The following CFAP299 variants were observed in gnomAD, a reference collection of about 807,000 sequenced individuals.
CFAP299 encodes the protein cilia and flagella associated protein 299, also known as cilia- and flagella-associated protein 299.
A neutral mutation model predicts 27.0 loss-of-function variants in CFAP299; 21 were observed. The observed-to-expected ratio is 0.78, with a 90% CI of 0.55 to 1.12. CFAP299 has a LOEUF of 1.12. Among genes scored for constraint, CFAP299 ranks in the 50% most tolerant of loss-of-function variants. CFAP299 has a pLI of 0.00. For synonymous variants in CFAP299, 104 were observed against 98.1 expected (o/e 1.06, Z -0.36); for missense variants, 310 against 276.6 (o/e 1.12, Z -0.86).
intron 3 of CFAP299, among the ~76,000 whole-genome samples, chr4:80,619,520 A>G (rs1369078708): frequency 6.6e-6 from 1 of 152,122 alleles, no homozygotes. Flanking sequence ...TAAATTTATT[A>G]TATGTTGTGT....
intron 2 of CFAP299, among the ~76,000 whole-genome samples, chr4:80,536,493 G>A (rs1266018359): frequency 6.6e-6 from 1 of 152,092 alleles, no homozygotes; most frequent in South Asian, 2.1e-4. Flanking sequence ...CATGAAAGTG[G>A]CATGATGCTA....
chr4:80,572,323 G>A (rs1735621314), intron 2 of CFAP299, among the ~76,000 whole-genome samples: 1 of 151,468 alleles, frequency 6.6e-6, no homozygotes, highest in South Asian at 2.1e-4. Flanking sequence ...CCCCAGCCCA[G>A]CTATCCTTCC....
chr4:80,545,357 G>T (rs1734175188), intron 2 of CFAP299, among the ~76,000 whole-genome samples: 1 of 151,850 alleles, frequency 6.6e-6, no homozygotes, highest in African/African-American at 2.4e-5. Flanking sequence ...AATCAGAGCT[G>T]ATCTGAATGA....
At chr4:80,794,492 C>A (rs924549608) in intron 3 of CFAP299, among the ~76,000 whole-genome samples, 1 of 152,154 alleles carries the variant, frequency 6.6e-6, no homozygotes, top group African/African-American at 2.4e-5. Flanking sequence ...CCCAGCCCTG[C>A]AAAGCACTGT....
chr4:80,344,087 C>G (rs545914394), intron 1 of CFAP299, among the ~76,000 whole-genome samples: 1 of 152,074 alleles, frequency 6.6e-6, no homozygotes, highest in African/African-American at 2.4e-5. Flanking sequence ...ACTAAAAGAA[C>G]CAGAGTACCA....
intron 3 of CFAP299, among the ~76,000 whole-genome samples, chr4:80,839,358 C>T (rs571145449): frequency 1.3e-5 from 2 of 152,198 alleles, no homozygotes; most frequent in East Asian, 3.9e-4. Flanking sequence ...GTATTATTCT[C>T]CTGTCCTACA....
At chr4:80,415,782 A>G (rs960709334) in intron 2 of CFAP299, among the ~76,000 whole-genome samples, 2 of 152,180 alleles carry the variant, frequency 1.3e-5, no homozygotes, top group African/African-American at 4.8e-5. Context: ...TATTATAGGG[A>G]ATATCTCTCT....
At chr4:80,548,599 T>A (rs566033448) in intron 2 of CFAP299, among the ~76,000 whole-genome samples, 11 of 152,170 alleles carry the variant, frequency 7.2e-5, no homozygotes, top group African/African-American at 2.2e-4. Flanking sequence ...ATAACAGATA[T>A]AAGAAGCTCA....
intron 3 of CFAP299, among the ~76,000 whole-genome samples, chr4:80,803,237 CA>C (rs1291329239): frequency 6.6e-6 from 1 of 151,910 alleles, no homozygotes; most frequent in Non-Finnish European, 1.5e-5. Context: ...AATTACAATA[CA>C]GTGCAATAAG....
chr4:80,645,469 G>T (rs1379719875), intron 3 of CFAP299, among the ~76,000 whole-genome samples: 2 of 152,128 alleles, frequency 1.3e-5, no homozygotes, highest in Admixed American at 6.6e-5. Context: ...TGTATTCACA[G>T]ATTTGATACA....
intron 3 of CFAP299, among the ~76,000 whole-genome samples, chr4:80,851,795 T>C (rs1055730742): frequency 6.6e-6 from 1 of 152,158 alleles, no homozygotes; most frequent in Non-Finnish European, 1.5e-5. Context: ...TATTTGGTAT[T>C]GGAATGACAT....
chr4:80,386,731 G>GT (rs1317375674), intron 2 of CFAP299: 17 of 1,549,726 alleles, frequency 1.1e-5, no homozygotes, highest in African/African-American at 5.4e-5. Flanking sequence ...TCATGCCGGA[G>GT]TGGGAGAGGA....
intron 3 of CFAP299, among the ~76,000 whole-genome samples, chr4:80,669,145 CTTTCTTTTTTTTTTTTTTTTT>C (rs1434708230): frequency 5.5e-4 from 9 of 16,430 alleles, no homozygotes; most frequent in African/African-American, 1.3e-3. Context: ...TTCTTTCTTT[CTTTCTTTTTTTTTTTTTTTTT>C]TTTTTTTTTT....
intron 1 of CFAP299, among the ~76,000 whole-genome samples, chr4:80,362,094 T>C (rs1029098077): frequency 4.1e-5 from 6 of 147,086 alleles, no homozygotes; most frequent in Admixed American, 3.5e-4. Flanking sequence ...GTAAGAAAAG[T>C]GTAAGGCCTA....
At chr4:80,515,865 A>G (rs1732559113) in intron 2 of CFAP299, among the ~76,000 whole-genome samples, 1 of 152,196 alleles carries the variant, frequency 6.6e-6, no homozygotes, top group South Asian at 2.1e-4. Flanking sequence ...TTTCATACAA[A>G]GCCTTTGCTG....
chr4:80,435,715 T>A (rs967791414), intron 2 of CFAP299, among the ~76,000 whole-genome samples: 2 of 152,218 alleles, frequency 1.3e-5, no homozygotes, highest in African/African-American at 4.8e-5. Flanking sequence ...ACCAAGGGAC[T>A]TACTCCATGG....
chr4:80,388,402 C>T (rs4693022), intron 2 of CFAP299: 519,658 of 711,148 alleles, frequency 0.73, 192,594 homozygotes, highest in Non-Finnish European at 0.76. Flanking sequence ...CCTGCTGGAC[C>T]GCTGTGGGTG....
chr4:80,814,418 T>G (rs1215014953), intron 3 of CFAP299, among the ~76,000 whole-genome samples: 1 of 152,024 alleles, frequency 6.6e-6, no homozygotes, highest in African/African-American at 2.4e-5. Context: ...AAAGGCATTT[T>G]TCCATGTTTA....
intron 4 of CFAP299, among the ~76,000 whole-genome samples, chr4:80,928,415 G>C (rs1018398565): frequency 6.6e-6 from 1 of 152,060 alleles, no homozygotes; most frequent in Non-Finnish European, 1.5e-5. Flanking sequence ...GTCCAGTCAT[G>C]ACTGGAAAAT....
Sources: gnomAD v4.1 joint callset for allele counts (sites outside exome capture counted in the v4.1 genomes callset) on GRCh38, gnomAD v4.1.1 for gene constraint, MANE v1.5 for transcripts, NCBI Gene and HGNC (gene_info 2026-07-23, HGNC 2026-07-21) for gene names.